Variants in FSIP2 observed in about 807,000 individuals in gnomAD.
The protein encoded by FSIP2 is fibrous sheath interacting protein 2, also known as fibrous sheath-interacting protein 2.
Under a neutral mutation model 510.5 loss-of-function variants are expected in FSIP2, and 367 were observed. That is an observed-to-expected ratio of 0.72 (90% CI 0.66 to 0.78). The LOEUF is 0.78. FSIP2 is among the 30% of genes least tolerant of loss of function. The pLI, the probability that FSIP2 is intolerant of heterozygous loss-of-function variation, is 0.00. For missense variants in FSIP2, 7,594 were observed against 7,901.7 expected (o/e 0.96, Z 1.48); for synonymous variants, 2,601 against 2,732.2 (o/e 0.95, Z 1.50).
At chr2:185,740,607 C>T (rs912943406) in intron 2 of FSIP2, 2 of 152,100 alleles carry the variant, frequency 1.3e-5, no homozygotes, top group African/African-American at 4.8e-5. Flanking sequence ...AACAATGTAC[C>T]ATAGACTGGG....
chr2:185,816,575 C>G (rs1456777701), intron 19 of FSIP2, among the ~76,000 whole-genome samples: 1 of 151,744 alleles, frequency 6.6e-6, no homozygotes, highest in South Asian at 2.1e-4. Flanking sequence ...TGATGGCTCA[C>G]GTCTGTAATC....
chr2:185,826,510 T>G (rs1310479596), intron 20 of FSIP2, among the ~76,000 whole-genome samples: 1 of 151,828 alleles, frequency 6.6e-6, no homozygotes, highest in Non-Finnish European at 1.5e-5. Context: ...ACCTTCTCAG[T>G]GAGGTCTTCA....
chr2:185,801,624 C>G lies in FSIP2; in HGVS notation c.12318C>G (p.Tyr4106Ter), dbSNP rs1258670780. 2.0e-6 allele frequency: 3 copies of G among 1,529,934 alleles called. No homozygotes were observed. In the African/African-American group the frequency reaches 4.1e-5, roughly 21 times the overall value. 94.8% of individuals were successfully genotyped at this position (1,529,934 alleles called of 1,614,324 possible). A position where few individuals can be genotyped will look rare whatever the true frequency, so the allele number is the denominator to read the frequency against. ...FKEHLIPHSY[Y>*]PLKPEIILQK... ...AACATCTCATACCCCATTCATATTA[C>G]CCTCTCAAACCTGAAATTATATTGC... is the stretch of plus-strand genomic sequence containing the variant. The change falls in exon 17 of 23, where the codon TAC becomes TAG. Residue 4106 changes from tyrosine (Y) to a stop codon, truncating the protein, a stop_gained. Coordinates refer to ENST00000424728, the MANE Select transcript of FSIP2 (RefSeq NM_173651.4). LOFTEE classifies it high-confidence loss of function.
At chr2:185,824,531 G>GT (rs544414863) in intron 20 of FSIP2, 51 bp downstream of exon 20, 16,172 of 852,772 alleles carry the variant, frequency 0.019, 15 homozygotes, top group South Asian at 0.036. Context: ...ACTTTGATGT[G>GT]TTTTTTTTTT....
chr2:185,802,099 G>T lies in FSIP2; in HGVS notation c.12793G>T (p.Gly4265Ter), dbSNP rs1319985955. ...IENHLQPFLS[G>*]EVLCHPRTPL... ...AAATCATCTTCAACCATTTTTGAGT[G>T]GAGAGGTTTTATGTCATCCAAGGAC... is the stretch of plus-strand genomic sequence containing the variant. The change falls in exon 17 of 23, where the codon GGA (glycine) becomes TGA (stop). Residue 4265 changes from glycine to a stop codon, truncating the protein, a stop_gained. Transcript: ENST00000424728. LOFTEE classifies it high-confidence loss of function. The T allele has an allele frequency of 6.5e-6, 10 of 1,533,422 alleles. No individual in the cohort carries two copies. Among genetic ancestry groups the T allele is most frequent in the Non-Finnish European group, 6.1e-6 (7 of 1,145,150 alleles). The allele number at this position is 1,533,422 out of a possible 1,614,324, so 95.0% of individuals were successfully genotyped here. A position where few individuals can be genotyped will look rare whatever the true frequency, so the allele number is the denominator to read the frequency against.
intron 22 of FSIP2, among the ~76,000 whole-genome samples, 197 bp from the exon 23 acceptor site, chr2:185,832,893 G>A (rs2105511329): frequency 6.6e-6 from 1 of 152,036 alleles, no homozygotes; most frequent in East Asian, 1.9e-4. Context: ...GTGTTCTGCT[G>A]AGAAAAGAGA....
chr2:185,794,263 C>T lies in FSIP2; in HGVS notation c.7127C>T (p.Pro2376Leu). ...DLDLEIQKIY[P>L]YQNNILFQEN... Reference sequence around the variant, plus strand: ...GACTTAGAAATTCAAAAGATATATCCATATCAAAACAATATTTTGTTCCAA... The same window carrying T: ...GACTTAGAAATTCAAAAGATATATCTATATCAAAACAATATTTTGTTCCAA... Residue 2376 changes from proline (P) to leucine (L), a missense_variant, in exon 16 of 23, where the codon CCA becomes CTA. Pro to Leu is a moderately conservative substitution (Grantham distance 98, BLOSUM62 -3). Transcript: ENST00000424728. 1 of 1,529,568 alleles carries T rather than the reference C, an allele frequency of 6.5e-7. No individual in the cohort carries two copies. Among genetic ancestry groups the T allele is most frequent in the Non-Finnish European group, 8.7e-7 (1 of 1,143,690 alleles). The allele number at this position is 1,529,568 out of a possible 1,614,324, so 94.7% of individuals were successfully genotyped here. A position where few individuals can be genotyped will look rare whatever the true frequency, so the allele number is the denominator to read the frequency against.
chr2:185,789,658 A>T lies in FSIP2; in HGVS notation c.2522A>T (p.Glu841Val). The change falls in exon 16 of 23, where the codon GAA becomes GTA. Residue 841 changes from glutamate (E) to valine (V), a missense_variant. Coordinates refer to ENST00000424728, the MANE Select transcript of FSIP2 (RefSeq NM_173651.4). ...ACTCTTGTTTCTTTTAAGCAAAATG[A>T]ATTTCTTCATCTTAAAGACACAAAT... is the stretch of plus-strand genomic sequence containing the variant. Reference protein sequence around the residue: ...LMTLVSFKQNEFLHLKDTNKL... With the variant: ...LMTLVSFKQNVFLHLKDTNKL... 1 of 1,534,134 alleles carries T rather than the reference A, an allele frequency of 6.5e-7. No individual in the cohort carries two copies. Among genetic ancestry groups the T allele is most frequent in the South Asian group, 1.2e-5 (1 of 83,940 alleles).
At chr2:185,745,364 A>G in intron 4 of FSIP2, 65 bp from the exon 5 acceptor site, 1 of 931,026 alleles carries the variant, frequency 1.1e-6, no homozygotes, top group South Asian at 2.4e-5. Context: ...ATAAATTTAA[A>G]TGGTTTTATT....
chr2:185,773,793 C>T (rs1692660966), intron 13 of FSIP2, among the ~76,000 whole-genome samples: 1 of 152,092 alleles, frequency 6.6e-6, no homozygotes. Context: ...AGCTATATCT[C>T]TTCTTGTTTC....
In FSIP2 at chr2:185,795,125, T is replaced by C; in HGVS notation, c.7989T>C (p.His2663=). 6.5e-7 allele frequency: 1 copy of C among 1,534,900 alleles called. No homozygotes were observed. The highest frequency in any genetic ancestry group is 2.4e-5 in the East Asian group (1 of 40,850). The change falls in exon 16 of 23, where the codon CAT becomes CAC. Residue 2663 remains histidine, a synonymous_variant. Transcript: ENST00000424728. Reference sequence around the variant, plus strand: ...ACCCTAAGCCATGCTTTAAAGCACATTTAAAAACAAGATCAAAAATTACCA... The same window carrying C: ...ACCCTAAGCCATGCTTTAAAGCACACTTAAAAACAAGATCAAAAATTACCA... ...KDNPKPCFKA[H]LKTRSKITTL...
upstream of FSIP2, chr2:185,738,478 A>G: frequency 1.2e-6 from 1 of 821,488 alleles, no homozygotes; most frequent in Non-Finnish European, 1.9e-6. Flanking sequence ...ATATGGGGGA[A>G]GATGTAGAAT....
chr2:185,775,789 G>A (rs187522249), intron 13 of FSIP2, among the ~76,000 whole-genome samples: 103 of 152,004 alleles, frequency 6.8e-4, no homozygotes, highest in African/African-American at 2.4e-3. Flanking sequence ...TCAGCCTCCC[G>A]AGTAGCTGAG....
In FSIP2 at chr2:185,789,311, T is replaced by C; in HGVS notation, c.2175T>C (p.Ser725=). 1.3e-6 allele frequency: 2 copies of C among 1,534,862 alleles called. No individual in the cohort carries two copies. Among genetic ancestry groups the C allele is most frequent in the Non-Finnish European group, 1.7e-6 (2 of 1,145,976 alleles). The change falls in exon 16 of 23, where the codon TCT becomes TCC. Residue 725 remains serine (S), a synonymous_variant. Transcript: ENST00000424728. ...CTGATTTAACCCAGGCCATTCCCTCTCTCTCTTCTGTTACTGCTGAAGTTT... is the reference window on the plus strand; with the variant it reads ...CTGATTTAACCCAGGCCATTCCCTCCCTCTCTTCTGTTACTGCTGAAGTTT... ...IMSDLTQAIP[S]LSSVTAEVFV... is the part of the protein sequence containing the mutation.
chr2:185,756,119 G>T, intron 8 of FSIP2, 73 bp from the exon 9 acceptor site: 2 of 552,288 alleles, frequency 3.6e-6, no homozygotes, highest in South Asian at 6.3e-5. Context: ...GGCATAAAAG[G>T]ATAAGTAGTC....
At chr2:185,747,104 T>G (rs905902519) in intron 6 of FSIP2, among the ~76,000 whole-genome samples, 1 of 152,102 alleles carries the variant, frequency 6.6e-6, no homozygotes, top group Non-Finnish European at 1.5e-5. Context: ...TTTTTTGAAA[T>G]TTAGCTTTAG....
chr2:185,795,027 G>T lies in FSIP2; in HGVS notation c.7891G>T (p.Asp2631Tyr). The T allele has an allele frequency of 6.5e-7, 1 of 1,533,834 alleles. No homozygotes were observed. Among genetic ancestry groups the T allele is most frequent in the South Asian group, 1.2e-5 (1 of 83,752 alleles). ...ATATTTACCATTGCAAGTGAAGAAA[G>T]ACTTAATTCAAATGGTTCTCAATAA... ...LPYLPLQVKK[D>Y]LIQMVLNKIT... Residue 2631 changes from aspartate (D) to tyrosine (Y), a missense_variant, in exon 16 of 23, where the codon GAC becomes TAC. Coordinates refer to ENST00000424728, the MANE Select transcript of FSIP2 (RefSeq NM_173651.4).
chr2:185,794,330 G>A lies in FSIP2; in HGVS notation c.7194G>A (p.Lys2398=), dbSNP rs1693215765. ...IVSEIVDSML[K]MLDDKRSVKE... ...GTGAAATTGTTGACAGTATGTTAAA[G>A]ATGTTAGATGATAAAAGATCTGTAA... The change falls in exon 16 of 23, where the codon AAG becomes AAA. Residue 2398 remains lysine (K), a synonymous_variant. Transcript: ENST00000424728. The A allele has an allele frequency of 6.6e-7, 1 of 1,516,754 alleles. No homozygotes were observed. Among genetic ancestry groups the A allele is most frequent in the Non-Finnish European group, 8.8e-7 (1 of 1,139,292 alleles). 94.0% of individuals were successfully genotyped at this position (1,516,754 alleles called of 1,614,324 possible). A position where few individuals can be genotyped will look rare whatever the true frequency, so the allele number is the denominator to read the frequency against.
intron 9 of FSIP2, among the ~76,000 whole-genome samples, chr2:185,759,789 G>T (rs902025624): frequency 6.7e-6 from 1 of 150,308 alleles, no homozygotes. Flanking sequence ...TCTGATGTCA[G>T]TGTATGAGAT....
Sources: allele counts gnomAD v4.1 joint callset (sites outside exome capture counted in the v4.1 genomes callset), GRCh38; gene constraint gnomAD v4.1.1; transcripts MANE v1.5; gene names NCBI Gene and HGNC (gene_info 2026-07-23, HGNC 2026-07-21).